NR3C1: variants seen among roughly 807,000 people sequenced by gnomAD.
NR3C1 encodes the protein nuclear receptor subfamily 3 group C member 1.
A neutral mutation model predicts 74.0 loss-of-function variants in NR3C1; 14 were observed. The observed-to-expected ratio is 0.19, with a 90% confidence interval of 0.12 to 0.30. The LOEUF is 0.30. Ranked by LOEUF, NR3C1 falls within the 10% of genes least tolerant of loss-of-function variation. The pLI is 1.00. For missense variants in NR3C1, 695 were observed against 909.8 expected, an observed-to-expected ratio of 0.76 and a Z score of 3.04; for synonymous variants, 308 against 332.5, an observed-to-expected ratio of 0.93 and a Z score of 0.80.
intron 2 of NR3C1, among the ~76,000 whole-genome samples, chr5:143,340,973 T>TC (rs1828110964): frequency 6.6e-6 from 1 of 151,924 alleles, no homozygotes; most frequent in Non-Finnish European, 1.5e-5. Context: ...CTCCTCTCCC[T>TC]CCTCCCACCC....
chr5:143,404,375 C>T, upstream of NR3C1: 1 of 984,222 alleles, frequency 1.0e-6, no homozygotes, highest in Non-Finnish European at 1.2e-6. Context: ...CGCATACGTA[C>T]TTTGGGCCCG....
intron 2 of NR3C1, among the ~76,000 whole-genome samples, chr5:143,399,055 G>GC (rs747040280): frequency 6.6e-6 from 1 of 152,188 alleles, no homozygotes; most frequent in Non-Finnish European, 1.5e-5. Context: ...AACCCTGTGA[G>GC]CAAGACCTGT....
intron 2 of NR3C1, among the ~76,000 whole-genome samples, chr5:143,331,558 T>A (rs1825942871): frequency 6.6e-6 from 1 of 152,156 alleles, no homozygotes; most frequent in African/African-American, 2.4e-5. Context: ...GAAGACTGCA[T>A]AAAGAAAATG....
chr5:143,400,514 T>G lies in NR3C1; in HGVS notation c.326A>C (p.Gln109Pro). ...TGTTTCCCCCGAGGAAAGGCTGATT[T>G]GGCCCTGCTGTGGGAATCCCAGGTC... ...GNDLGFPQQGQISLSSGETDL... is the reference protein window; with the variant it reads ...GNDLGFPQQGPISLSSGETDL... The change falls in exon 2 of 9, where the codon CAA (glutamine) becomes CCA (proline). Residue 109 changes from glutamine to proline, a missense_variant. Transcript: ENST00000394464. 2 of 1,614,260 alleles carry G rather than the reference T, an allele frequency of 1.2e-6. No individual in the cohort carries two copies. Among genetic ancestry groups the G allele is most frequent in the Non-Finnish European group, 1.7e-6 (2 of 1,180,048 alleles).
chr5:143,323,093 G>A (rs1823722793), intron 2 of NR3C1, among the ~76,000 whole-genome samples: 1 of 152,152 alleles, frequency 6.6e-6, no homozygotes, highest in Non-Finnish European at 1.5e-5. Context: ...TTTAAATTCT[G>A]TGCAATTCTG....
At chr5:143,397,634 A>G (rs1839468022) in intron 2 of NR3C1, among the ~76,000 whole-genome samples, 1 of 151,942 alleles carries the variant, frequency 6.6e-6, no homozygotes, top group Admixed American at 6.6e-5. Context: ...GACACAGACT[A>G]CTGATTATAT....
Position 143,292,941 on chromosome 5 carries a change from T to C in NR3C1, c.2023+2519A>G, listed in dbSNP as rs573496352. On this transcript the variant is annotated intron_variant, in intron 7 of 8. Transcript: ENST00000394464. ...CATTGCTTTTCCAGTTTCTATAGCTTTGTTGCCATTTTCCTGTTGTGATTT... is the reference window on the plus strand; with the variant it reads ...CATTGCTTTTCCAGTTTCTATAGCTCTGTTGCCATTTTCCTGTTGTGATTT... Among the ~76,000 whole-genome samples the C allele has an allele frequency of 2.6e-5, 4 of 152,332 alleles. No individual in the cohort carries two copies. The East Asian group carries it at 5.8e-4, about 22-fold the overall frequency.
intron 2 of NR3C1, among the ~76,000 whole-genome samples, chr5:143,368,147 A>G (rs541679006): frequency 1.3e-5 from 2 of 152,310 alleles, no homozygotes; most frequent in South Asian, 4.1e-4. Flanking sequence ...GGAAAGAATA[A>G]TCTTTTCAAC....
chr5:143,378,072 C>G (rs1337422258), intron 2 of NR3C1, among the ~76,000 whole-genome samples: 1 of 147,826 alleles, frequency 6.8e-6, no homozygotes, highest in Non-Finnish European at 1.5e-5. Flanking sequence ...CAACAGAGCA[C>G]TACCCTGTCT....
intron 2 of NR3C1, among the ~76,000 whole-genome samples, chr5:143,353,511 G>C (rs139149426): frequency 2.6e-5 from 4 of 152,124 alleles, no homozygotes; most frequent in African/African-American, 9.7e-5. Context: ...CCTGATTCAT[G>C]GGCTACAAAT....
At chr5:143,402,815 A>T in intron 1 of NR3C1, 2 of 985,426 alleles carry the variant, frequency 2.0e-6, no homozygotes, top group Non-Finnish European at 2.4e-6. Context: ...AGTAAAATTC[A>T]GACGCGGCTT....
At chr5:143,347,977 GT>G (rs10482643) in intron 2 of NR3C1, among the ~76,000 whole-genome samples, 19,766 of 152,134 alleles carry the variant, frequency 0.13, 1,480 homozygotes, top group Middle Eastern at 0.29. Context: ...GGCCATCTGA[GT>G]TTGTTCATTT....
chr5:143,280,757 A>G lies in NR3C1; in HGVS notation c.*1132T>C. The G allele has an allele frequency of 6.6e-6, 1 of 152,280 alleles. No homozygotes were observed. The highest frequency in any genetic ancestry group is 1.9e-4 in the East Asian group (1 of 5,206). 9.4% of individuals were successfully genotyped at this position (152,280 alleles called of 1,614,324 possible). Reference sequence around the variant, plus strand: ...ATGGGTGTCTAGCCATTTTTGCCATATTAGAGATTTAGTTTTTGGGTAAAG... The same window carrying G: ...ATGGGTGTCTAGCCATTTTTGCCATGTTAGAGATTTAGTTTTTGGGTAAAG... On this transcript the variant is annotated 3_prime_UTR_variant, in exon 9 of 9. Transcript: ENST00000394464.
At chr5:143,410,717 C>CT (rs1221385770) in intron 1 of NR3C1, among the ~76,000 whole-genome samples, 12 of 152,284 alleles carry the variant, frequency 7.9e-5, no homozygotes, top group African/African-American at 2.9e-4. Context: ...TTTTTAAACA[C>CT]TAAGCTTTAT....
chr5:143,400,773 TCTC>T lies in NR3C1; in HGVS notation c.64_66del (p.Glu22del). The T allele has an allele frequency of 6.2e-7, 1 of 1,614,136 alleles. No homozygotes were observed. Among genetic ancestry groups the T allele is most frequent in the Non-Finnish European group, 8.5e-7 (1 of 1,180,012 alleles). The stretch of plus-strand genomic sequence containing the variant: ...TTATAGAAGTCCATCACATCTCCCC[TCTC>T]CTGAGCAAGCACACTGCTGGGGTTT... On this transcript the variant is annotated inframe_deletion, in exon 2 of 9. Transcript: ENST00000394464.
chr5:143,353,525 T>C (rs534021272), intron 2 of NR3C1, among the ~76,000 whole-genome samples: 2 of 152,340 alleles, frequency 1.3e-5, no homozygotes, highest in East Asian at 1.9e-4. Context: ...TACAAATGGA[T>C]GATGTGTTGG....
At chr5:143,423,351 T>C (rs1751336238) in intron 1 of NR3C1, among the ~76,000 whole-genome samples, 1 of 152,180 alleles carries the variant, frequency 6.6e-6, no homozygotes, top group African/African-American at 2.4e-5. Context: ...TGGCCAAAAA[T>C]ACTCAACATC....
chr5:143,301,136 A>T (rs1818402346), intron 4 of NR3C1, among the ~76,000 whole-genome samples: 1 of 152,108 alleles, frequency 6.6e-6, no homozygotes, highest in Non-Finnish European at 1.5e-5. Flanking sequence ...TGGTTATATA[A>T]GGCAAATTAC....
chr5:143,310,042 G>C (rs1820569203), intron 4 of NR3C1, 55 bp downstream of exon 4: 1 of 1,314,792 alleles, frequency 7.6e-7, no homozygotes, highest in Non-Finnish European at 1.1e-6. Flanking sequence ...AAAGTAAAAT[G>C]ATAAATTTTT....
Sources: gnomAD v4.1 joint callset for allele counts (sites outside exome capture counted in the v4.1 genomes callset) on GRCh38, gnomAD v4.1.1 for gene constraint, MANE v1.5 for transcripts, NCBI Gene and HGNC (gene_info 2026-07-23, HGNC 2026-07-21) for gene names.